Variants in DMD observed in about 807,000 individuals in gnomAD.
DMD encodes the protein mutant dystrophin.
DMD carries 63 observed loss-of-function variants against 330.1 expected under a neutral mutation model. The observed-to-expected ratio is 0.19, with a 90% CI of 0.16 to 0.24. DMD has a LOEUF of 0.24. Ranked by LOEUF, DMD falls within the 10% of genes least tolerant of loss-of-function variation. DMD has a pLI of 1.00. For missense variants in DMD, 3,344 were observed against 2,684.1 expected, an observed-to-expected ratio of 1.25 and a Z score of -5.43; for synonymous variants, 1,223 against 959.8, an observed-to-expected ratio of 1.27 and a Z score of -5.07.
chrX:31,579,839 G>A (rs1035168492), intron 55 of DMD, among the ~76,000 whole-genome samples: 1 of 112,379 alleles, frequency 8.9e-6, no homozygotes, highest in African/African-American at 3.2e-5. Flanking sequence ...AGTTTTGGAA[G>A]TCAGAAGTTT....
chrX:31,243,633 T>C (rs922459021), intron 63 of DMD, among the ~76,000 whole-genome samples: 4 of 113,057 alleles, frequency 3.5e-5, no homozygotes, highest in African/African-American at 1.3e-4. Context: ...TGAGATGGTT[T>C]AATTTTCCTT....
At chrX:32,389,237 A>C (rs2097983309) in intron 32 of DMD, among the ~76,000 whole-genome samples, 2 of 111,315 alleles carry the variant, frequency 1.8e-5, no homozygotes, top group East Asian at 5.6e-4. Context: ...CTAGATTTCC[A>C]TTTAAAATAT....
At chrX:32,086,687 T>G (rs186674861) in intron 44 of DMD, among the ~76,000 whole-genome samples, 1 of 111,612 alleles carries the variant, frequency 9.0e-6, no homozygotes, top group African/African-American at 3.3e-5. Flanking sequence ...TGGAGAGGCA[T>G]GTGACAGTAG....
At chrX:32,329,611 G>T (rs1382699110) in intron 41 of DMD, among the ~76,000 whole-genome samples, 5 of 112,394 alleles carry the variant, frequency 4.4e-5, no homozygotes, top group Non-Finnish European at 3.8e-5. Context: ...CATGTTTCAT[G>T]TGTGTTTATG....
At chrX:31,156,534 T>C (rs1486527686) in intron 74 of DMD, among the ~76,000 whole-genome samples, 1 of 111,457 alleles carries the variant, frequency 9.0e-6, no homozygotes, top group African/African-American at 3.3e-5. Flanking sequence ...TCTTGATTTA[T>C]GACTTACTTG....
intron 44 of DMD, among the ~76,000 whole-genome samples, chrX:32,081,233 T>C (rs771195094): frequency 2.7e-5 from 3 of 112,266 alleles, no homozygotes; most frequent in Non-Finnish European, 5.6e-5. Flanking sequence ...AACTGCTTAA[T>C]TGCATGACGA....
chrX:32,474,346 T>C (rs2041001723), intron 21 of DMD, among the ~76,000 whole-genome samples: 1 of 111,581 alleles, frequency 9.0e-6, no homozygotes, highest in South Asian at 3.7e-4. Flanking sequence ...AGTATCTTTT[T>C]TGAATAATGA....
At position 32,362,950 on chromosome X, in the gene DMD, C is replaced by A. The variant is rs72468630; in HGVS notation, c.5163G>T (p.Lys1721Asn). The change falls in exon 37 of 79, where the codon AAG becomes AAT. Residue 1721 changes from lysine (K) to asparagine (N), a missense_variant. Transcript: ENST00000357033. Reference protein sequence around the residue: ...QQKEDVLKRLKAELNDIRPKV... With the variant: ...QQKEDVLKRLNAELNDIRPKV... ...TTGGGCGTATGTCATTCAGTTCTGC[C>A]TTTAAACGCTATATTCCATGAGCAA... 1 of 1,208,368 alleles carries A rather than the reference C, an allele frequency of 8.3e-7. No individual in the cohort carries two copies. The highest frequency in any genetic ancestry group is 2.2e-5 in the Admixed American group (1 of 45,649).
At chrX:32,907,314 T>A (rs1327233175) in intron 2 of DMD, among the ~76,000 whole-genome samples, 1 of 112,423 alleles carries the variant, frequency 8.9e-6, no homozygotes, top group African/African-American at 3.2e-5. Context: ...ATTCATTGTT[T>A]GATTTTCTGA....
chrX:31,759,927 G>A (rs2089440830), intron 51 of DMD, among the ~76,000 whole-genome samples: 1 of 111,398 alleles, frequency 9.0e-6, no homozygotes, highest in Admixed American at 9.5e-5. Flanking sequence ...TGACTCAGAG[G>A]GACATACACA....
At chrX:33,060,050 C>T (rs945462738) in intron 1 of DMD, among the ~76,000 whole-genome samples, 1 of 111,460 alleles carries the variant, frequency 9.0e-6, no homozygotes, top group Non-Finnish European at 1.9e-5. Context: ...AAAAATTATT[C>T]AATGTCACTT....
rs755970990 is a variant in DMD at position 32,752,774 on chromosome X, G to C, written c.650-53481C>G. ...GGGAGGTAATTGAATCATGGGGACA[G>C]GTCTTTCCCATGCTGTTCTTGTGGT... On this transcript the variant is annotated intron_variant, in intron 7 of 78. Transcript: ENST00000357033. 1.2e-3 allele frequency among the ~76,000 whole-genome samples: 129 copies of C among 109,195 alleles called. 1 individual carries two copies. The highest frequency in any genetic ancestry group is 4.0e-3 in the African/African-American group (121 of 29,943). 94.8% of individuals were successfully genotyped at this position (109,195 alleles called of 115,157 possible). A position where few individuals can be genotyped will look rare whatever the true frequency, so the allele number is the denominator to read the frequency against.
chrX:31,644,231 GA>G (rs1000025443), intron 54 of DMD, among the ~76,000 whole-genome samples: 1 of 111,689 alleles, frequency 9.0e-6, no homozygotes, highest in African/African-American at 3.3e-5. Context: ...AATAAAAGTA[GA>G]AAAGACTTAC....
At chrX:31,202,699 T>C (rs1353438774) in intron 67 of DMD, among the ~76,000 whole-genome samples, 2 of 111,961 alleles carry the variant, frequency 1.8e-5, no homozygotes, top group African/African-American at 3.3e-5. Flanking sequence ...TCAGCCATTG[T>C]TAATAGAATT....
chrX:31,645,846 T>C (rs933911717), intron 54 of DMD, among the ~76,000 whole-genome samples: 2 of 112,269 alleles, frequency 1.8e-5, no homozygotes, highest in African/African-American at 6.5e-5. Context: ...AAGGGTCTGA[T>C]TACTCCTATG....
Position 32,638,872 on chromosome X carries a change from C to A in DMD, c.1331+5260G>T, listed in dbSNP as rs1034921846. On this transcript the variant is annotated intron_variant, in intron 11 of 78. Coordinates refer to ENST00000357033, the MANE Select transcript of DMD (RefSeq NM_004006.3). ...CACTCTCACATATGCCATCTTATTTCCAGAGTCAAATAGACACTTGGGGGA... is the reference window on the plus strand; with the variant it reads ...CACTCTCACATATGCCATCTTATTTACAGAGTCAAATAGACACTTGGGGGA... Among the ~76,000 whole-genome samples the A allele has an allele frequency of 3.6e-5, 4 of 111,029 alleles. No homozygotes were observed. The Admixed American group carries it at 3.8e-4, about 11-fold the overall frequency.
chrX:32,261,575 A>G (rs1338003277), intron 43 of DMD, among the ~76,000 whole-genome samples: 2 of 112,159 alleles, frequency 1.8e-5, no homozygotes, highest in African/African-American at 6.5e-5. Context: ...TTGACTTGGT[A>G]AATTTAAGAG....
Position 32,666,817 on chromosome X carries a change from A to C in DMD, c.961-21665T>G, listed in dbSNP as rs59098845. Among the ~76,000 whole-genome samples, 299 of 100,652 alleles carry C rather than the reference A, an allele frequency of 3.0e-3. 1 individual carries two copies. Among genetic ancestry groups the C allele is most frequent in the African/African-American group, 9.7e-3 (242 of 25,052 alleles). 87.4% of individuals were successfully genotyped at this position (100,652 alleles called of 115,157 possible). A position where few individuals can be genotyped will look rare whatever the true frequency, so the allele number is the denominator to read the frequency against. On this transcript the variant is annotated intron_variant, in intron 9 of 78. Coordinates refer to ENST00000357033, the MANE Select transcript of DMD (RefSeq NM_004006.3). The stretch of plus-strand genomic sequence containing the variant: ...ACTCTAACCTGGGCAACAGAGCAAT[A>C]ATCTGTCTCCAAAAAAAAAAAAACA...
At chrX:32,753,095 T>A (rs2071039210) in intron 7 of DMD, among the ~76,000 whole-genome samples, 2 of 111,256 alleles carry the variant, frequency 1.8e-5, no homozygotes, top group African/African-American at 6.5e-5. Flanking sequence ...CCCTCATGCC[T>A]TTACCCTCTT....
Sources: allele counts gnomAD v4.1 joint callset (sites outside exome capture counted in the v4.1 genomes callset), GRCh38; gene constraint gnomAD v4.1.1; transcripts MANE v1.5; gene names NCBI Gene and HGNC (gene_info 2026-07-23, HGNC 2026-07-21).